ECHDC1: variants seen among roughly 807,000 people sequenced by gnomAD.
ECHDC1 encodes ethylmalonyl-CoA decarboxylase.
ECHDC1 carries 29 observed loss-of-function variants against 29.7 expected under a neutral mutation model. The observed-to-expected ratio is 0.98, with a 90% CI of 0.73 to 1.33. The LOEUF (loss-of-function observed/expected upper bound fraction) is 1.33. Ranked by LOEUF, ECHDC1 falls within the 40% of genes most tolerant of loss-of-function variation. ECHDC1 has a pLI of 0.00. For synonymous variants in ECHDC1, 126 were observed against 123.1 expected (o/e 1.02, Z -0.15); for missense variants, 328 against 350.0 (o/e 0.94, Z 0.50).
At chr6:127,317,916 C>G (rs1468483565) in intron 3 of ECHDC1, 1 of 152,228 alleles carries the variant, frequency 6.6e-6, no homozygotes, top group Non-Finnish European at 1.5e-5. Flanking sequence ...AGACCCAACA[C>G]TGATTAACTT....
At chr6:127,313,262 G>A (rs950051500) in intron 5 of ECHDC1, 2 of 168,868 alleles carry the variant, frequency 1.2e-5, no homozygotes, top group African/African-American at 2.4e-5. Flanking sequence ...GGAGTGCAAT[G>A]GTGTGATCTT....
chr6:127,312,954 T>C (rs1364941522), intron 5 of ECHDC1: 3 of 152,216 alleles, frequency 2.0e-5, no homozygotes, highest in Non-Finnish European at 4.4e-5. Context: ...TGTAAAAATG[T>C]ATTTATGTAA....
chr6:127,317,002 CACAT>C (rs1554242456), intron 3 of ECHDC1, among the ~76,000 whole-genome samples: 1 of 151,948 alleles, frequency 6.6e-6, no homozygotes, highest in Non-Finnish European at 1.5e-5. Flanking sequence ...TTTTTTAGCT[CACAT>C]ACTTTCTTCA....
intron 4 of ECHDC1, 108 bp downstream of exon 4, chr6:127,316,342 T>C (rs1253715584): frequency 2.2e-6 from 2 of 893,596 alleles, no homozygotes; most frequent in African/African-American, 1.7e-5. Context: ...TTAGAATAGA[T>C]GTAATTTGAA....
At chr6:127,290,454 T>C (rs1488953957) in intron 5 of ECHDC1, among the ~76,000 whole-genome samples, 177 bp from the exon 6 acceptor site, 1 of 152,082 alleles carries the variant, frequency 6.6e-6, no homozygotes, top group Non-Finnish European at 1.5e-5. Context: ...TAATAGTATT[T>C]AAAACTTCCC....
At chr6:127,314,970 A>G (rs1782244117) in intron 4 of ECHDC1, 74 bp from the exon 5 acceptor site, 1 of 1,421,046 alleles carries the variant, frequency 7.0e-7, no homozygotes, top group Non-Finnish European at 9.8e-7. Context: ...TTTTTTAAAA[A>G]ATCTTAAAAT....
At chr6:127,330,131 C>A (rs910781502) in intron 2 of ECHDC1, among the ~76,000 whole-genome samples, 1 of 152,150 alleles carries the variant, frequency 6.6e-6, no homozygotes, top group Non-Finnish European at 1.5e-5. Context: ...TTCAACAAGG[C>A]TACTCATTAG....
chr6:127,338,200 A>G (rs1260523338), intron 1 of ECHDC1, among the ~76,000 whole-genome samples: 3 of 152,180 alleles, frequency 2.0e-5, no homozygotes, highest in Non-Finnish European at 4.4e-5. Flanking sequence ...TAGCAATTCA[A>G]TGGCTATTTA....
At chr6:127,311,707 A>AAG (rs1781943072) in intron 5 of ECHDC1, among the ~76,000 whole-genome samples, 1 of 89,006 alleles carries the variant, frequency 1.1e-5, no homozygotes, top group Non-Finnish European at 2.0e-5. Flanking sequence ...AAGAAAAGAA[A>AAG]AAAGAAAGAA....
intron 5 of ECHDC1, among the ~76,000 whole-genome samples, chr6:127,297,596 C>A (rs541736398): frequency 7.2e-5 from 11 of 152,216 alleles, no homozygotes; most frequent in African/African-American, 2.6e-4. Flanking sequence ...GTGTGATTAG[C>A]GGGCTTCCAG....
intron 5 of ECHDC1, among the ~76,000 whole-genome samples, chr6:127,297,781 T>C (rs1465337456): frequency 6.6e-6 from 1 of 152,170 alleles, no homozygotes; most frequent in Admixed American, 6.5e-5. Flanking sequence ...GTTACACAAA[T>C]AGCTACAGAG....
intron 1 of ECHDC1, among the ~76,000 whole-genome samples, chr6:127,331,394 C>T (rs9375501): frequency 0.73 from 110,747 of 151,860 alleles, 40,563 homozygotes; most frequent in East Asian, 0.78. Flanking sequence ...GATCCACCCA[C>T]CTCAGCCTCC....
rs538919701 is a variant in ECHDC1 at position 127,342,001 on chromosome 6, T to C, written c.-3+1335A>G. 1.1e-4 allele frequency among the ~76,000 whole-genome samples: 17 copies of C among 152,366 alleles called. No individual in the cohort carries two copies. The South Asian group carries it at 3.1e-3, about 28-fold the overall frequency. On this transcript the variant is annotated intron_variant, in intron 1 of 5. Coordinates refer to ENST00000454859, the MANE Select transcript of ECHDC1 (RefSeq NM_001002030.2). ...AACTCTCTCCCTCACACAGCCAAAA[T>C]GCACAACTTTCAGTTCCTGAAATCC...
intron 5 of ECHDC1, among the ~76,000 whole-genome samples, chr6:127,311,891 G>A (rs1205369585): frequency 6.6e-6 from 1 of 151,560 alleles, no homozygotes; most frequent in African/African-American, 2.4e-5. Flanking sequence ...TTGTATAATT[G>A]CACTGTGGCT....
intron 5 of ECHDC1, among the ~76,000 whole-genome samples, chr6:127,297,621 C>G (rs931799165): frequency 6.6e-6 from 1 of 152,164 alleles, no homozygotes; most frequent in Non-Finnish European, 1.5e-5. Flanking sequence ...AAGGTTCCTC[C>G]CCTTTTCAGG....
intron 3 of ECHDC1, chr6:127,326,408 C>G: frequency 3.1e-6 from 1 of 324,648 alleles, no homozygotes; most frequent in Non-Finnish European, 6.5e-6. Context: ...GTCTTTTCTT[C>G]ATAAACTACC....
chr6:127,306,064 T>C (rs1781414393), intron 5 of ECHDC1, among the ~76,000 whole-genome samples: 1 of 148,148 alleles, frequency 6.8e-6, no homozygotes, highest in African/African-American at 2.5e-5. Context: ...AGAAACACAT[T>C]TCACCTATAA....
intron 5 of ECHDC1, among the ~76,000 whole-genome samples, chr6:127,312,133 T>C (rs559972492): frequency 6.6e-6 from 1 of 152,256 alleles, no homozygotes; most frequent in African/African-American, 2.4e-5. Flanking sequence ...AGTATTAAAG[T>C]AGAGATAGAC....
At chr6:127,334,931 T>C (rs1784302221) in intron 1 of ECHDC1, among the ~76,000 whole-genome samples, 1 of 151,474 alleles carries the variant, frequency 6.6e-6, no homozygotes, top group South Asian at 2.1e-4. Flanking sequence ...CCTGAGAGTA[T>C]TCTGAGGTAC....
Sources: gnomAD v4.1 joint callset for allele counts (sites outside exome capture counted in the v4.1 genomes callset) on GRCh38, gnomAD v4.1.1 for gene constraint, MANE v1.5 for transcripts, NCBI Gene and HGNC (gene_info 2026-07-23, HGNC 2026-07-21) for gene names.